Variants in NINL observed in about 807,000 individuals in gnomAD.
The protein encoded by NINL is ninein like.
A neutral mutation model predicts 160.3 loss-of-function variants in NINL; 153 were observed. The ratio of observed to expected loss-of-function variants is 0.95; its 90% CI spans 0.84 to 1.09. The LOEUF (loss-of-function observed/expected upper bound fraction) is 1.09, where lower values mean the gene tolerates loss of function less well. Among genes scored for constraint, NINL ranks in the 50% least tolerant of loss-of-function variants. NINL has a pLI of 0.00. For missense variants in NINL, 1,829 were observed against 1,764.0 expected, an observed-to-expected ratio of 1.04 and a Z score of -0.66; for synonymous variants, 800 against 734.8, an observed-to-expected ratio of 1.09 and a Z score of -1.43.
At chr20:25,528,811 G>T (rs554728267) in intron 1 of NINL, among the ~76,000 whole-genome samples, 16 of 152,212 alleles carry the variant, frequency 1.1e-4, no homozygotes, top group African/African-American at 3.9e-4. Flanking sequence ...TAAAAAAGAG[G>T]AAATATAAGG....
chr20:25,549,527 T>C (rs1568960245), intron 1 of NINL, among the ~76,000 whole-genome samples: 1 of 152,248 alleles, frequency 6.6e-6, no homozygotes, highest in Non-Finnish European at 1.5e-5. Context: ...GGACCCTCCA[T>C]CAATGTCTGC....
rs1214760135 is a variant in NINL at position 25,526,468 on chromosome 20, G to A, written c.120C>T (p.His40=). 8.1e-6 allele frequency: 13 copies of A among 1,614,074 alleles called. No individual in the cohort carries two copies. In the South Asian group the frequency reaches 1.4e-4, roughly 18 times the overall value. ...QELTQLCLKL[H]LEQQLPVLLQ... is the part of the protein sequence containing the mutation. ...GGAGGACGGGCAGCTGCTGCTCCAG[G>A]TGAAGCTTAAGGCAGAGCTGGGTCA... Residue 40 remains histidine, a synonymous_variant, in exon 2 of 24, where the codon CAC becomes CAT. Coordinates refer to ENST00000278886, the MANE Select transcript of NINL (RefSeq NM_025176.6).
At position 25,496,723 on chromosome 20, in the gene NINL, A is replaced by T. The variant is rs1484982775; in HGVS notation, c.1250T>A (p.Phe417Tyr). 3.1e-6 allele frequency: 5 copies of T among 1,613,932 alleles called. No homozygotes were observed. The Middle Eastern group carries it at 4.9e-4, about 160-fold the overall frequency. The stretch of plus-strand genomic sequence containing the variant: ...GTGGCAGTCGTCCATCTCTTTCACA[A>T]ACTCCAGGTTCCTCTTCTCGGCCCT... The part of the protein sequence containing the change: ...LERAEKRNLE[F>Y]VKEMDDCHST... The change falls in exon 10 of 24, where the codon TTT becomes TAT. Residue 417 changes from phenylalanine to tyrosine, a missense_variant. By Grantham distance (22) the Phe-to-Tyr change is conservative. Transcript: ENST00000278886.
chr20:25,580,606 C>A (rs2065163942), intron 1 of NINL, among the ~76,000 whole-genome samples: 1 of 152,154 alleles, frequency 6.6e-6, no homozygotes, highest in Admixed American at 6.5e-5. Flanking sequence ...AAGGGAAGTA[C>A]AACCAGGCAG....
intron 1 of NINL, among the ~76,000 whole-genome samples, chr20:25,554,681 T>A (rs1600333767): frequency 7.0e-6 from 1 of 143,098 alleles, no homozygotes; most frequent in Non-Finnish European, 1.5e-5. Context: ...GTGATGGGGG[T>A]CTGTAGTCCT....
chr20:25,493,602 G>A (rs1290412821), intron 10 of NINL, among the ~76,000 whole-genome samples: 1 of 152,170 alleles, frequency 6.6e-6, no homozygotes, highest in Non-Finnish European at 1.5e-5. Context: ...CTATGAGAAC[G>A]TCTTAAGCAA....
chr20:25,474,466 C>G (rs904882467), intron 17 of NINL, among the ~76,000 whole-genome samples: 1 of 152,236 alleles, frequency 6.6e-6, no homozygotes, highest in Non-Finnish European at 1.5e-5. Context: ...ACACGGACAG[C>G]AGACATTCCA....
chr20:25,559,429 C>G (rs933707391), intron 1 of NINL, among the ~76,000 whole-genome samples: 2 of 152,050 alleles, frequency 1.3e-5, no homozygotes, highest in Non-Finnish European at 2.9e-5. Flanking sequence ...TTATTAGAGA[C>G]GGGGTTTCAC....
chr20:25,562,236 C>A (rs1275169139), intron 1 of NINL, among the ~76,000 whole-genome samples: 4 of 121,102 alleles, frequency 3.3e-5, no homozygotes, highest in Admixed American at 8.6e-5. Context: ...TCTGCCCGGC[C>A]GCCCCTACTG....
Position 25,512,846 on chromosome 20 carries a change from CAG to C in NINL, c.436_437del (p.Leu146GlyfsTer10). The C allele has an allele frequency of 9.3e-6, 15 of 1,613,232 alleles. No individual in the cohort carries two copies. The highest frequency in any genetic ancestry group is 1.3e-5 in the Non-Finnish European group (15 of 1,179,476). On this transcript the variant is annotated frameshift_variant, in exon 4 of 24. Transcript: ENST00000278886. LOFTEE classifies it high-confidence loss of function. ...LKSHLWRSAS[L>X]ESVESPKSDE... ...GGGCCTGACCCACCTCCACGCTCTC[CAG>C]AGACGCTGAGCGCCAGAGGTGACTT...
Position 25,472,676 on chromosome 20 carries a change from G to A in NINL, c.3249-2581C>T, listed in dbSNP as rs113422804. On this transcript the variant is annotated intron_variant, in intron 17 of 23. Transcript: ENST00000278886. ...CCCAAATAGCTGGGACCAAAGGTGC[G>A]TGCCACCATGTGTGACTAATTTTTC... is the stretch of plus-strand genomic sequence containing the variant. 6.7e-3 allele frequency among the ~76,000 whole-genome samples: 1,017 copies of A among 151,692 alleles called. 16 individuals are homozygous for A. Among genetic ancestry groups the A allele is most frequent in the African/African-American group, 0.023 (970 of 41,326 alleles).
At chr20:25,532,207 A>G (rs2064476689) in intron 1 of NINL, among the ~76,000 whole-genome samples, 1 of 152,242 alleles carries the variant, frequency 6.6e-6, no homozygotes, top group Non-Finnish European at 1.5e-5. Context: ...TGGGCCTACC[A>G]GTCCCTTCCA....
chr20:25,526,961 T>C (rs2064372238), intron 1 of NINL, among the ~76,000 whole-genome samples: 1 of 151,988 alleles, frequency 6.6e-6, no homozygotes, highest in African/African-American at 2.4e-5. Context: ...AACCCAGGAG[T>C]TCAAGGCTGC....
At chr20:25,558,502 T>C (rs1472882868) in intron 1 of NINL, among the ~76,000 whole-genome samples, 1 of 152,252 alleles carries the variant, frequency 6.6e-6, no homozygotes, top group Non-Finnish European at 1.5e-5. Context: ...ACCCTTCATT[T>C]AATAATAATT....
intron 3 of NINL, among the ~76,000 whole-genome samples, chr20:25,515,796 A>T (rs2064150357): frequency 6.6e-6 from 1 of 151,750 alleles, no homozygotes; most frequent in African/African-American, 2.4e-5. Flanking sequence ...TTTGAGACAG[A>T]GTCTCTCTCT....
At chr20:25,482,876 T>G (rs2063422650) in intron 13 of NINL, among the ~76,000 whole-genome samples, 1 of 151,366 alleles carries the variant, frequency 6.6e-6, no homozygotes, top group African/African-American at 2.4e-5. Flanking sequence ...ATACAAAAAT[T>G]AGCCGGGCAT....
chr20:25,553,704 T>C (rs2064831023), intron 1 of NINL, among the ~76,000 whole-genome samples: 2 of 152,176 alleles, frequency 1.3e-5, no homozygotes, highest in African/African-American at 4.8e-5. Flanking sequence ...GTCCTTCACT[T>C]ATCTTTCTCC....
intron 1 of NINL, among the ~76,000 whole-genome samples, chr20:25,549,420 C>T (rs1051850041): frequency 6.6e-6 from 1 of 152,200 alleles, no homozygotes; most frequent in Non-Finnish European, 1.5e-5. Context: ...CCCCGGCACC[C>T]ATGGCCACAG....
chr20:25,475,597 C>T (rs144265913), intron 17 of NINL, among the ~76,000 whole-genome samples: 3 of 152,166 alleles, frequency 2.0e-5, no homozygotes, highest in Non-Finnish European at 2.9e-5. Context: ...GAGGGCCGGG[C>T]GCAGTGGCTC....
Sources: gnomAD v4.1 joint callset for allele counts (sites outside exome capture counted in the v4.1 genomes callset) on GRCh38, gnomAD v4.1.1 for gene constraint, MANE v1.5 for transcripts, NCBI Gene and HGNC (gene_info 2026-07-23, HGNC 2026-07-21) for gene names.